PITPNA: variants seen among roughly 807,000 people sequenced by gnomAD.
PITPNA encodes phosphatidylinositol transfer protein alpha, also known as phosphatidylinositol transfer protein alpha isoform.
Under a neutral mutation model 50.3 loss-of-function variants are expected in PITPNA, and 13 were observed. That is an observed-to-expected ratio of 0.26 (90% confidence interval 0.17 to 0.41). The LOEUF is 0.41. Ranked by LOEUF, PITPNA falls within the 10% of genes least tolerant of loss-of-function variation. The pLI, the probability that PITPNA is intolerant of heterozygous loss-of-function variation, is 1.00. For missense variants in PITPNA, 207 were observed against 333.4 expected (o/e 0.62, Z 2.95); for synonymous variants, 120 against 119.6 (o/e 1.00, Z -0.02).
At position 1,562,097 on chromosome 17, in the gene PITPNA, G is replaced by A. The variant is rs546800934; in HGVS notation, c.20+444C>T. ...CTCGGCCTCCCCCAGTCCCGGGCCA[G>A]CTCTCCCTGCCCTGACCCCGTCTCG... On this transcript the variant is annotated intron_variant, in intron 1 of 11. Coordinates refer to ENST00000313486, the MANE Select transcript of PITPNA (RefSeq NM_006224.4). This position sits in a 1 kb window ranked among gnomAD's most constrained non-coding sequence, Gnocchi z 6.4. Among the ~76,000 whole-genome samples the A allele has an allele frequency of 4.6e-5, 7 of 152,214 alleles. No homozygotes were observed. The highest frequency in any genetic ancestry group is 3.9e-4 in the East Asian group (2 of 5,168).
rs139053300 is a variant in PITPNA at position 1,553,532 on chromosome 17, G to A, written c.52-383C>T. Reference sequence around the variant, plus strand: ...GCTGAGATTATAAGCATGAGCCACCGTTCCCAGTCAATCCATCAGGATTTA... The same window carrying A: ...GCTGAGATTATAAGCATGAGCCACCATTCCCAGTCAATCCATCAGGATTTA... On this transcript the variant is annotated intron_variant, in intron 2 of 11. Transcript: ENST00000313486. 2.2e-4 allele frequency among the ~76,000 whole-genome samples: 34 copies of A among 152,144 alleles called. 1 individual carries two copies. Among genetic ancestry groups the A allele is most frequent in the African/African-American group, 4.1e-4 (17 of 41,496 alleles).
intron 10 of PITPNA, 122 bp from the exon 11 acceptor site, chr17:1,521,767 CG>C (rs1440805310): frequency 1.3e-6 from 1 of 755,234 alleles, no homozygotes; most frequent in Non-Finnish European, 2.4e-6. Flanking sequence ...ACTGGAAGGA[CG>C]GAAGAATTCT....
intron 2 of PITPNA, among the ~76,000 whole-genome samples, chr17:1,554,551 T>C (rs1194641865): frequency 6.6e-6 from 1 of 151,924 alleles, no homozygotes; most frequent in African/African-American, 2.4e-5. Context: ...GGTTTTTCTC[T>C]CTTTGAGATT....
intron 5 of PITPNA, 181 bp from the exon 6 acceptor site, chr17:1,541,821 C>T (rs1048311555): frequency 1.4e-6 from 1 of 693,632 alleles, no homozygotes; most frequent in Non-Finnish European, 2.7e-6. Flanking sequence ...TTATCCCATT[C>T]AATCCTCACC....
chr17:1,547,323 G>C (rs1189948688), intron 4 of PITPNA, among the ~76,000 whole-genome samples: 3 of 152,044 alleles, frequency 2.0e-5, no homozygotes, highest in Admixed American at 1.3e-4. Flanking sequence ...CTGTGGTTGT[G>C]CCACTGGACA....
rs2075499044 is a variant in PITPNA at position 1,519,916 on chromosome 17, A to G, written c.*645T>C. 6.6e-6 allele frequency: 1 copy of G among 152,192 alleles called. No homozygotes were observed. The highest frequency in any genetic ancestry group is 1.5e-5 in the Non-Finnish European group (1 of 68,058). 9.4% of individuals were successfully genotyped at this position (152,192 alleles called of 1,614,324 possible). On this transcript the variant is annotated 3_prime_UTR_variant, in exon 12 of 12. Transcript: ENST00000313486. ...GAGATTCAGTGATTGGGACAGGGTT[A>G]CTCGTATTTGTTAAATTTTCTTAAA... is the stretch of plus-strand genomic sequence containing the variant.
intron 4 of PITPNA, 108 bp from the exon 5 acceptor site, chr17:1,543,135 A>G (rs2075656334): frequency 1.2e-6 from 1 of 834,066 alleles, no homozygotes; most frequent in East Asian, 2.8e-5. Context: ...AGTGTACTTT[A>G]CTCCCTGTGG....
In PITPNA at chr17:1,549,575, C is replaced by A. The variant is rs567096851; in HGVS notation, c.198-1188G>T. Among the ~76,000 whole-genome samples the A allele has an allele frequency of 7.6e-5, 11 of 144,742 alleles. 2 individuals are homozygous for A. Among genetic ancestry groups the A allele is most frequent in the African/African-American group, 2.9e-4 (11 of 38,374 alleles). The allele number at this position is 144,742 out of a possible 152,430, so 95.0% of individuals were successfully genotyped here. On this transcript the variant is annotated intron_variant, in intron 3 of 11. Coordinates refer to ENST00000313486, the MANE Select transcript of PITPNA (RefSeq NM_006224.4). The stretch of plus-strand genomic sequence containing the variant: ...TCATGATCTGCCCGCCTCAGCCTCC[C>A]AAAGTGCTGAGATTACAGTGGCGTG...
intron 5 of PITPNA, among the ~76,000 whole-genome samples, chr17:1,542,192 C>T (rs2075651418): frequency 6.6e-6 from 1 of 150,504 alleles, no homozygotes; most frequent in South Asian, 2.1e-4. Flanking sequence ...AACAGCAAGA[C>T]TCCGTTTCGA....
intron 7 of PITPNA, among the ~76,000 whole-genome samples, chr17:1,537,440 A>C (rs8069805): frequency 0.15 from 22,509 of 152,002 alleles, 1,933 homozygotes; most frequent in African/African-American, 0.23. Context: ...CTCAAGTGAT[A>C]TGCCTGCCTC....
chr17:1,558,944 CTT>C (rs1475581495), intron 1 of PITPNA, among the ~76,000 whole-genome samples: 2 of 152,082 alleles, frequency 1.3e-5, no homozygotes, highest in African/African-American at 4.8e-5. Flanking sequence ...GGATGATAAA[CTT>C]CACCCAAACT....
At chr17:1,523,367 G>C (rs1334821541) in intron 10 of PITPNA, among the ~76,000 whole-genome samples, 6 of 152,218 alleles carry the variant, frequency 3.9e-5, no homozygotes, top group African/African-American at 1.2e-4. Flanking sequence ...GTTTGAGACA[G>C]GGTCTGGCTC....
chr17:1,546,591 C>T (rs2075675667), intron 4 of PITPNA, among the ~76,000 whole-genome samples: 1 of 152,026 alleles, frequency 6.6e-6, no homozygotes, highest in Non-Finnish European at 1.5e-5. Context: ...TGGGAGGACC[C>T]CGCAGCCCAA....
intron 4 of PITPNA, among the ~76,000 whole-genome samples, chr17:1,546,930 C>T (rs1022827302): frequency 6.6e-6 from 1 of 152,154 alleles, no homozygotes; most frequent in Non-Finnish European, 1.5e-5. Flanking sequence ...AATTACAGAA[C>T]ATGCTGTTTC....
intron 10 of PITPNA, among the ~76,000 whole-genome samples, chr17:1,531,938 A>G (rs1325300874): frequency 6.6e-6 from 1 of 152,238 alleles, no homozygotes; most frequent in Non-Finnish European, 1.5e-5. Flanking sequence ...ATGTACCACA[A>G]TGAGGTGGAC....
chr17:1,520,618 AGAG>A (rs886977424), intron 11 of PITPNA, 80 bp from the exon 12 acceptor site: 15 of 146,038 alleles, frequency 1.0e-4, no homozygotes, highest in African/African-American at 3.2e-4. Context: ...GATAATTTCA[AGAG>A]GAGGAGGGAA....
At chr17:1,540,674 C>T (rs1479476311) in intron 6 of PITPNA, among the ~76,000 whole-genome samples, 1 of 151,382 alleles carries the variant, frequency 6.6e-6, no homozygotes, top group Non-Finnish European at 1.5e-5. Flanking sequence ...CTGCAAGCTT[C>T]GACTCCCGGG....
chr17:1,561,824 G>A (rs1177416906), intron 1 of PITPNA, among the ~76,000 whole-genome samples: 1 of 152,018 alleles, frequency 6.6e-6, no homozygotes, highest in Non-Finnish European at 1.5e-5. Context: ...CTCACCCGAT[G>A]CCTAAGGCGG....
intron 3 of PITPNA, among the ~76,000 whole-genome samples, chr17:1,551,492 T>C (rs556392981): frequency 2.0e-5 from 3 of 151,986 alleles, no homozygotes; most frequent in Non-Finnish European, 2.9e-5. Context: ...GGAGTCTCGC[T>C]ATGTTGCCCA....
Sources: allele counts gnomAD v4.1 joint callset (sites outside exome capture counted in the v4.1 genomes callset), GRCh38; gene constraint gnomAD v4.1.1; non-coding constraint Gnocchi (gnomAD v3.1); transcripts MANE v1.5; gene names NCBI Gene and HGNC (gene_info 2026-07-23, HGNC 2026-07-21).